The following TMEM87B variants were observed in gnomAD, a reference collection of about 807,000 sequenced individuals.
TMEM87B encodes the protein transmembrane protein 87B.
Under a neutral mutation model 80.3 loss-of-function variants are expected in TMEM87B, and 83 were observed. The ratio of observed to expected loss-of-function variants is 1.03; its 90% CI spans 0.87 to 1.24. TMEM87B has a LOEUF of 1.24. TMEM87B is among the 50% of genes most tolerant of loss of function. The pLI is 0.00. For missense variants in TMEM87B, 625 were observed against 674.4 expected (o/e 0.93, Z 0.81); for synonymous variants, 219 against 230.5 (o/e 0.95, Z 0.45).
chr2:112,112,832 C>T lies in TMEM87B; in HGVS notation c.1578-67C>T, dbSNP rs149687887. Reference sequence around the variant, plus strand: ...GTGGGCCATGGCATGTGCCTGTATTCGGCTTTCGTGGATACACTGGCCTTA... The same window carrying T: ...GTGGGCCATGGCATGTGCCTGTATTTGGCTTTCGTGGATACACTGGCCTTA... On this transcript the variant is annotated intron_variant, in intron 17 of 18. Transcript: ENST00000283206. 966 of 1,481,346 alleles carry T rather than the reference C, an allele frequency of 6.5e-4. No individual in the cohort carries two copies. The African/African-American group carries it at 0.01, about 16-fold the overall frequency. The allele number at this position is 1,481,346 out of a possible 1,614,324, so 91.8% of individuals were successfully genotyped here.
At position 112,078,533 on chromosome 2, in the gene TMEM87B, C is replaced by G. The variant is rs76735500; in HGVS notation, c.592+1251C>G. On this transcript the variant is annotated intron_variant, in intron 6 of 18. Coordinates refer to ENST00000283206, the MANE Select transcript of TMEM87B (RefSeq NM_032824.3). ...GAGGACAGAGCCCTCATGACTTAAT[C>G]ACTTCCCAAAAGGCCTCACCTCTTA... Among the ~76,000 whole-genome samples the G allele has an allele frequency of 8.0e-3, 1,224 of 152,304 alleles. 9 individuals are homozygous for G. The highest frequency in any genetic ancestry group is 0.028 in the African/African-American group (1,167 of 41,564).
chr2:112,059,852 T>G, intron 1 of TMEM87B, 125 bp from the exon 2 acceptor site: 1 of 1,257,006 alleles, frequency 8.0e-7, no homozygotes, highest in Non-Finnish European at 1.1e-6. Context: ...TGATCAGATT[T>G]ACGTTAAAAA....
chr2:112,062,085 C>G (rs1186624509), intron 2 of TMEM87B, among the ~76,000 whole-genome samples: 1 of 152,184 alleles, frequency 6.6e-6, no homozygotes, highest in African/African-American at 2.4e-5. Flanking sequence ...ATTGAGTATT[C>G]TAATTTATAC....
At chr2:112,083,747 T>G (rs1317208942) in intron 8 of TMEM87B, among the ~76,000 whole-genome samples, 1 of 152,198 alleles carries the variant, frequency 6.6e-6, no homozygotes, top group Non-Finnish European at 1.5e-5. Flanking sequence ...TTTTAGGCCT[T>G]GTTGCTGTTT....
chr2:112,101,316 A>G (rs1018421794), intron 15 of TMEM87B, among the ~76,000 whole-genome samples: 1 of 152,192 alleles, frequency 6.6e-6, no homozygotes, highest in Non-Finnish European at 1.5e-5. Flanking sequence ...GATGAAATAG[A>G]AAACAGGAAA....
chr2:112,100,266 T>A (rs1679594271), intron 14 of TMEM87B, among the ~76,000 whole-genome samples: 1 of 152,206 alleles, frequency 6.6e-6, no homozygotes, highest in Non-Finnish European at 1.5e-5. Context: ...CCAATCAGAT[T>A]AGCAACTTTT....
intron 1 of TMEM87B, among the ~76,000 whole-genome samples, chr2:112,058,503 C>T (rs750679729): frequency 1.3e-5 from 2 of 152,084 alleles, no homozygotes; most frequent in Non-Finnish European, 2.9e-5. Flanking sequence ...TGCCACAGCT[C>T]GTTTTTTTAA....
intron 2 of TMEM87B, among the ~76,000 whole-genome samples, chr2:112,063,371 ACT>A (rs2104455758): frequency 6.6e-6 from 1 of 151,984 alleles, no homozygotes; most frequent in East Asian, 1.9e-4. Flanking sequence ...TATTTGTGTC[ACT>A]CTCTTACCTG....
chr2:112,073,825 T>A (rs1328937046), intron 4 of TMEM87B, among the ~76,000 whole-genome samples: 1 of 152,228 alleles, frequency 6.6e-6, no homozygotes, highest in Non-Finnish European at 1.5e-5. Context: ...TCAGTTGAAT[T>A]GAACCCTTTA....
intron 9 of TMEM87B, among the ~76,000 whole-genome samples, chr2:112,087,033 C>T (rs1390441143): frequency 6.6e-6 from 1 of 152,160 alleles, no homozygotes; most frequent in South Asian, 2.1e-4. Flanking sequence ...CAGTCTTTTT[C>T]GACTATACTT....
rs747651707 is a variant in TMEM87B at position 112,089,667 on chromosome 2, G to T, written c.981G>T (p.Gly327=). The change falls in exon 10 of 19, where the codon GGG becomes GGT. Residue 327 remains glycine, a synonymous_variant. Coordinates refer to ENST00000283206, the MANE Select transcript of TMEM87B (RefSeq NM_032824.3). The part of the protein sequence containing the change: ...GTVMHRVIGL[G]LLYLIFAAVE... ...TCATGCACCGGGTGATCGGACTGGG[G>T]CTTCTATACTTAATCTTTGCAGCTG... 1.4e-5 allele frequency: 22 copies of T among 1,614,162 alleles called. No homozygotes were observed. Among genetic ancestry groups the T allele is most frequent in the Non-Finnish European group, 1.9e-5 (22 of 1,180,014 alleles).
At chr2:112,064,335 G>A (rs917472859) in intron 3 of TMEM87B, 82 bp downstream of exon 3, 1 of 1,186,548 alleles carries the variant, frequency 8.4e-7, no homozygotes, top group Middle Eastern at 2.7e-4. Flanking sequence ...CAAGCGAGGA[G>A]GCTAGAAATA....
intron 16 of TMEM87B, 48 bp downstream of exon 16, chr2:112,106,123 A>C (rs1223551476): frequency 1.6e-6 from 2 of 1,237,152 alleles, no homozygotes; most frequent in Non-Finnish European, 2.2e-6. Flanking sequence ...CTTAGTCTTC[A>C]CTACTTTAGA....
intron 4 of TMEM87B, among the ~76,000 whole-genome samples, chr2:112,067,620 A>T (rs2104460014): frequency 6.6e-6 from 1 of 152,272 alleles, no homozygotes; most frequent in Non-Finnish European, 1.5e-5. Context: ...TAAGATACTG[A>T]TACCATTGTT....
At chr2:112,082,871 T>C (rs1278549023) in intron 8 of TMEM87B, among the ~76,000 whole-genome samples, 2 of 152,090 alleles carry the variant, frequency 1.3e-5, no homozygotes, top group Non-Finnish European at 2.9e-5. Context: ...CTGAGATCCA[T>C]GAAGAGGTAA....
chr2:112,107,174 A>G (rs979541426), intron 16 of TMEM87B, among the ~76,000 whole-genome samples: 2 of 152,126 alleles, frequency 1.3e-5, no homozygotes, highest in Non-Finnish European at 2.9e-5. Context: ...CCTGGGCAAC[A>G]TGGTGAAACC....
chr2:112,112,853 C>T, intron 17 of TMEM87B, 46 bp from the exon 18 acceptor site: 1 of 1,588,122 alleles, frequency 6.3e-7, no homozygotes, highest in Non-Finnish European at 8.6e-7. Flanking sequence ...GATACACTGG[C>T]CTTACTGTTA....
In TMEM87B at chr2:112,095,165, C is replaced by CTTTTTTTTTTTTTTTTTTTTTTTTTT. The variant is rs749222333; in HGVS notation, c.1105-1857_1105-1832dup. 28 of 540,878 alleles carry CTTTTTTTTTTTTTTTTTTTTTTTTTT rather than the reference C, an allele frequency of 5.2e-5. 9 individuals carry two copies. The highest frequency in any genetic ancestry group is 1.8e-4 in the African/African-American group (4 of 22,598). The allele number at this position is 540,878 out of a possible 1,614,324, so 33.5% of individuals were successfully genotyped here. On this transcript the variant is annotated intron_variant, in intron 11 of 18. Coordinates refer to ENST00000283206, the MANE Select transcript of TMEM87B (RefSeq NM_032824.3). ...CGTTTCTCTTTTCTTTTCTTTCTTT[C>CTTTTTTTTTTTTTTTTTTTTTTTTTT]TTTTTTTTTTTTTTTTTTTTTTTTT...
chr2:112,060,843 A>C (rs1055778102), intron 2 of TMEM87B, among the ~76,000 whole-genome samples: 50 of 152,156 alleles, frequency 3.3e-4, no homozygotes, highest in African/African-American at 1.2e-3. Flanking sequence ...GGCCCACAAG[A>C]ATGGATTTTT....
Sources: gnomAD v4.1 joint callset for allele counts (sites outside exome capture counted in the v4.1 genomes callset) on GRCh38, gnomAD v4.1.1 for gene constraint, MANE v1.5 for transcripts, NCBI Gene and HGNC (gene_info 2026-07-23, HGNC 2026-07-21) for gene names.